LIPC: variants seen among roughly 807,000 people sequenced by gnomAD.
LIPC encodes the protein hepatic triacylglycerol lipase.
In LIPC, 44 loss-of-function variants were observed where a neutral mutation model predicts 50.7. The ratio of observed to expected loss-of-function variants is 0.87; its 90% CI spans 0.68 to 1.11. LIPC has a LOEUF of 1.11. Among genes scored for constraint, LIPC ranks in the 50% most tolerant of loss-of-function variants. LIPC has a pLI of 0.00. For synonymous variants in LIPC, 271 were observed against 256.4 expected, an observed-to-expected ratio of 1.06 and a Z score of -0.54; for missense variants, 697 against 648.2, an observed-to-expected ratio of 1.08 and a Z score of -0.82.
At chr15:58,520,763 C>A (rs1343195002) in intron 1 of LIPC, among the ~76,000 whole-genome samples, 3 of 152,200 alleles carry the variant, frequency 2.0e-5, no homozygotes, top group African/African-American at 7.2e-5. Context: ...ATTAATGCCG[C>A]TTAATACGAC....
At chr15:58,522,349 A>G (rs1166976294) in intron 1 of LIPC, 1 of 152,684 alleles carries the variant, frequency 6.5e-6, no homozygotes, top group African/African-American at 2.4e-5. Context: ...CACGCAAACC[A>G]AGGCCATGCT....
At chr15:58,493,046 T>C (rs1472465214) in intron 1 of LIPC, among the ~76,000 whole-genome samples, 1 of 152,194 alleles carries the variant, frequency 6.6e-6, no homozygotes, top group Non-Finnish European at 1.5e-5. Flanking sequence ...CAGAACTTTC[T>C]TGCTGTCATG....
At chr15:58,459,775 C>T (rs1214738974) in intron 1 of LIPC, among the ~76,000 whole-genome samples, 4 of 152,252 alleles carry the variant, frequency 2.6e-5, no homozygotes, top group African/African-American at 4.8e-5. Context: ...TGCACGGGAA[C>T]AGATGCCCGC....
intron 1 of LIPC, among the ~76,000 whole-genome samples, chr15:58,463,805 A>C (rs146247350): frequency 1.5e-3 from 229 of 152,264 alleles, no homozygotes; most frequent in Non-Finnish European, 2.6e-3. Flanking sequence ...AGTCCAATAA[A>C]GGCATTCATC....
intron 1 of LIPC, among the ~76,000 whole-genome samples, chr15:58,460,539 C>T (rs1283589753): frequency 6.6e-6 from 1 of 152,220 alleles, no homozygotes; most frequent in Non-Finnish European, 1.5e-5. Context: ...CTTCCACCCT[C>T]ACTCTCACCC....
chr15:58,548,230 C>T (rs1893604318), intron 5 of LIPC, 100 bp from the exon 6 acceptor site: 1 of 1,520,364 alleles, frequency 6.6e-7, no homozygotes, highest in South Asian at 1.1e-5. Flanking sequence ...GTTCTGTGTG[C>T]TACTGCTAAC....
At chr15:58,498,428 G>A (rs1286565243) in intron 1 of LIPC, among the ~76,000 whole-genome samples, 1 of 152,082 alleles carries the variant, frequency 6.6e-6, no homozygotes, top group African/African-American at 2.4e-5. Flanking sequence ...GCCCCCAAGA[G>A]GGTGAAATTG....
chr15:58,526,198 G>A (rs574203027), intron 1 of LIPC, among the ~76,000 whole-genome samples: 3 of 152,236 alleles, frequency 2.0e-5, no homozygotes, highest in African/African-American at 4.8e-5. Flanking sequence ...TGCATCTCCA[G>A]CACATGAATA....
chr15:58,513,843 T>C (rs1426869707), intron 1 of LIPC, among the ~76,000 whole-genome samples: 1 of 152,174 alleles, frequency 6.6e-6, no homozygotes, highest in Non-Finnish European at 1.5e-5. Flanking sequence ...TGCACATTTC[T>C]CTTGGGTGTG....
chr15:58,472,648 T>G (rs1890853081), intron 1 of LIPC, among the ~76,000 whole-genome samples: 1 of 151,690 alleles, frequency 6.6e-6, no homozygotes, highest in Non-Finnish European at 1.5e-5. Flanking sequence ...AAAATAGATA[T>G]AATTATATTT....
chr15:58,532,452 G>A (rs16940449), intron 1 of LIPC, among the ~76,000 whole-genome samples: 2,883 of 152,184 alleles, frequency 0.019, 114 homozygotes, highest in African/African-American at 0.066. Flanking sequence ...ATGAAATTTC[G>A]GTCTTCCAGA....
chr15:58,501,687 A>G (rs1205906585), intron 1 of LIPC, among the ~76,000 whole-genome samples: 2 of 152,132 alleles, frequency 1.3e-5, no homozygotes, highest in African/African-American at 4.8e-5. Context: ...TTACAATACC[A>G]TTTTTAAATC....
At chr15:58,499,974 C>A (rs555218316) in intron 1 of LIPC, among the ~76,000 whole-genome samples, 1 of 152,182 alleles carries the variant, frequency 6.6e-6, no homozygotes, top group South Asian at 2.1e-4. Context: ...TGATTTGGTA[C>A]AAGAGATCCA....
At chr15:58,516,673 T>C (rs1189663344) in intron 1 of LIPC, among the ~76,000 whole-genome samples, 1 of 152,224 alleles carries the variant, frequency 6.6e-6, no homozygotes, top group Admixed American at 6.5e-5. Flanking sequence ...GAAGTTCAGT[T>C]TAGACTTCTT....
intron 1 of LIPC, among the ~76,000 whole-genome samples, chr15:58,480,574 G>A (rs544738520): frequency 2.6e-5 from 4 of 152,316 alleles, no homozygotes; most frequent in Non-Finnish European, 5.9e-5. Flanking sequence ...TGGGATTACA[G>A]GTGTGAGCCA....
chr15:58,503,506 G>A (rs905897762), intron 1 of LIPC, among the ~76,000 whole-genome samples: 1 of 152,164 alleles, frequency 6.6e-6, no homozygotes, highest in Non-Finnish European at 1.5e-5. Flanking sequence ...GTCTGCATGG[G>A]GCAGCACCTC....
intron 6 of LIPC, among the ~76,000 whole-genome samples, chr15:58,554,450 A>G (rs1893864333): frequency 6.6e-6 from 1 of 152,210 alleles, no homozygotes; most frequent in African/African-American, 2.4e-5. Flanking sequence ...CATAAGGTAA[A>G]GTGGGCAAAA....
Position 58,548,382 on chromosome 15 carries a change from C to T in LIPC, c.861C>T (p.Ile287=), listed in dbSNP as rs369378374. The T allele has an allele frequency of 2.2e-5, 35 of 1,614,058 alleles. No individual in the cohort carries two copies. Among genetic ancestry groups the T allele is most frequent in the South Asian group, 5.5e-5 (5 of 91,096 alleles). The change falls in exon 6 of 9, where the codon ATC becomes ATT. Residue 287 remains isoleucine, a synonymous_variant. Coordinates refer to ENST00000299022, the MANE Select transcript of LIPC (RefSeq NM_000236.3). ...CSHERSVHLF[I]DSLLHAGTQS... ...ACGAGCGATCGGTGCACCTTTTCAT[C>T]GACTCCTTGCTGCACGCCGGCACGC...
At chr15:58,529,775 A>G (rs1892902867) in intron 1 of LIPC, among the ~76,000 whole-genome samples, 1 of 152,166 alleles carries the variant, frequency 6.6e-6, no homozygotes, top group South Asian at 2.1e-4. Context: ...TTCTACCTGG[A>G]TGCATGGTTT....
Sources: allele counts gnomAD v4.1 joint callset (sites outside exome capture counted in the v4.1 genomes callset), GRCh38; gene constraint gnomAD v4.1.1; transcripts MANE v1.5; gene names NCBI Gene and HGNC (gene_info 2026-07-23, HGNC 2026-07-21).